FBN2: variants seen among roughly 807,000 people sequenced by gnomAD.
The protein encoded by FBN2 is fibrillin-2.
Under a neutral mutation model 355.6 loss-of-function variants are expected in FBN2, and 105 were observed. That is an observed-to-expected ratio of 0.30 (90% CI 0.25 to 0.35). FBN2 has a LOEUF of 0.35. Ranked by LOEUF, FBN2 falls within the 10% of genes least tolerant of loss-of-function variation. FBN2 has a pLI of 1.00. For missense variants in FBN2, 3,280 were observed against 3,758.7 expected (o/e 0.87, Z 3.33); for synonymous variants, 1,350 against 1,301.2 (o/e 1.04, Z -0.81).
chr5:128,383,045 G>C (rs1364348762), intron 11 of FBN2, among the ~76,000 whole-genome samples: 1 of 152,054 alleles, frequency 6.6e-6, no homozygotes, highest in Non-Finnish European at 1.5e-5. Context: ...ATCCCTAAGA[G>C]AAGGAAAACA....
rs73348283 is a variant in FBN2, at chr5:128,537,260, T to A, written c.254+90A>T. Reference sequence around the variant, plus strand: ...AGCTCTAGGCTCCAGCTAAAGGGTCTGGGACGGAGTGGGCCAGAAAGCCGC... The same window carrying A: ...AGCTCTAGGCTCCAGCTAAAGGGTCAGGGACGGAGTGGGCCAGAAAGCCGC... On this transcript the variant is annotated intron_variant, in intron 1 of 64. Coordinates refer to ENST00000262464, the MANE Select transcript of FBN2 (RefSeq NM_001999.4). 0.091 allele frequency: 143,140 copies of A among 1,569,524 alleles called. 8,373 individuals carry two copies. The highest frequency in any genetic ancestry group is 0.29 in the African/African-American group (21,386 of 74,410).
At position 128,263,432 on chromosome 5, in the gene FBN2, C is replaced by G; in HGVS notation, c.8185G>C (p.Gly2729Arg). 1 of 1,612,650 alleles carries G rather than the reference C, an allele frequency of 6.2e-7. No individual in the cohort carries two copies. Among genetic ancestry groups the G allele is most frequent in the Non-Finnish European group, 8.5e-7 (1 of 1,178,702 alleles). Residue 2729 changes from glycine to arginine, a missense_variant, in exon 63 of 65, where the codon GGA (glycine) becomes CGA (arginine). Gly to Arg is a moderately radical substitution (Grantham distance 125). Around this residue, in one of 6 missense-constraint regions of FBN2, gnomAD observed 311 missense variants for 319.1 expected, o/e 0.97. Coordinates refer to ENST00000262464, the MANE Select transcript of FBN2 (RefSeq NM_001999.4). ...CGCPPGYYRV[G>R]QGHCVSGMGF... ...GGCTGAAGGCCGCCTTACCCTTGTCCCACTCTGTAATACCCAGGGGGGCAG... is the reference window on the plus strand; with the variant it reads ...GGCTGAAGGCCGCCTTACCCTTGTCGCACTCTGTAATACCCAGGGGGGCAG...
In FBN2 at chr5:128,349,348, C is replaced by T; in HGVS notation, c.2988G>A (p.Leu996=). The T allele has an allele frequency of 6.2e-7, 1 of 1,614,048 alleles. No individual in the cohort carries two copies. The highest frequency in any genetic ancestry group is 1.3e-5 in the African/African-American group (1 of 75,020). ...AATACATGAGGGTGTGAATCTTACC[C>T]AAACATACACGGCCAGTCCCATCCA... ...LTLDGTGRVC[L]DIRMEQCYLK... is the part of the protein sequence containing the mutation. The change falls in exon 23 of 65, where the codon TTG becomes TTA. Residue 996 remains leucine (L), a splice_region_variant and synonymous_variant. Transcript: ENST00000262464.
At chr5:128,432,727 T>C (rs1426647034) in intron 7 of FBN2, among the ~76,000 whole-genome samples, 1 of 152,208 alleles carries the variant, frequency 6.6e-6, no homozygotes, top group Non-Finnish European at 1.5e-5. Flanking sequence ...AAAAAAGTTT[T>C]AATAAAACTA....
chr5:128,335,694 G>C, intron 28 of FBN2, 117 bp from the exon 29 acceptor site: 1 of 1,221,694 alleles, frequency 8.2e-7, no homozygotes, highest in Non-Finnish European at 1.2e-6. Context: ...TATGTGTGTT[G>C]ATTGAACATT....
chr5:128,300,674 G>C, intron 48 of FBN2, 143 bp downstream of exon 48: 1 of 848,700 alleles, frequency 1.2e-6, no homozygotes, highest in South Asian at 1.4e-5. Context: ...TGATGGTTCA[G>C]TAAAACAGAT....
intron 7 of FBN2, among the ~76,000 whole-genome samples, chr5:128,436,682 GAA>G (rs368032823): frequency 6.9e-6 from 1 of 144,602 alleles, no homozygotes; most frequent in African/African-American, 2.5e-5. Context: ...AAAAAAAAAA[GAA>G]AAAAAAGTAT....
chr5:128,443,842 T>C (rs1016142864), intron 7 of FBN2, among the ~76,000 whole-genome samples: 1 of 152,126 alleles, frequency 6.6e-6, no homozygotes, highest in Admixed American at 6.5e-5. Flanking sequence ...TATTTTACCT[T>C]TGATAGTTGA....
intron 5 of FBN2, among the ~76,000 whole-genome samples, chr5:128,508,761 C>A (rs1756032950): frequency 6.6e-6 from 1 of 151,976 alleles, no homozygotes; most frequent in African/African-American, 2.4e-5. Flanking sequence ...CTTAATATTT[C>A]TTACTGTGCA....
intron 5 of FBN2, among the ~76,000 whole-genome samples, chr5:128,467,565 C>A (rs1265967350): frequency 6.6e-6 from 1 of 152,006 alleles, no homozygotes; most frequent in Admixed American, 6.6e-5. Context: ...CCTTAAAATA[C>A]CTTAATTAAT....
intron 7 of FBN2, among the ~76,000 whole-genome samples, chr5:128,429,452 G>A: frequency 6.6e-6 from 1 of 152,090 alleles, no homozygotes; most frequent in Non-Finnish European, 1.5e-5. Context: ...ACAGATTTGA[G>A]AATATATTTT....
At chr5:128,308,442 T>C (rs1749943480) in intron 41 of FBN2, among the ~76,000 whole-genome samples, 1 of 152,146 alleles carries the variant, frequency 6.6e-6, no homozygotes, top group Non-Finnish European at 1.5e-5. Context: ...TCTCCTTAAT[T>C]TCATCAATAC....
intron 5 of FBN2, among the ~76,000 whole-genome samples, chr5:128,505,591 T>TTACC: frequency 6.6e-6 from 1 of 152,282 alleles, no homozygotes; most frequent in African/African-American, 2.4e-5. Flanking sequence ...CTCTTACAAG[T>TTACC]TACCACCTGT....
chr5:128,278,435 C>T (rs1261315899), intron 57 of FBN2, among the ~76,000 whole-genome samples, 200 bp downstream of exon 57: 2 of 152,114 alleles, frequency 1.3e-5, no homozygotes, highest in Non-Finnish European at 1.5e-5. Flanking sequence ...AAGATTAACT[C>T]CTAAAATCTC....
At chr5:128,505,039 T>G (rs1191810703) in intron 5 of FBN2, among the ~76,000 whole-genome samples, 1 of 152,224 alleles carries the variant, frequency 6.6e-6, no homozygotes, top group Admixed American at 6.5e-5. Context: ...GGTTTTCTCC[T>G]ACACAAGCTC....
chr5:128,318,291 T>C lies in FBN2; in HGVS notation c.4595-20A>G. 1.2e-6 allele frequency: 2 copies of C among 1,613,964 alleles called. No homozygotes were observed. The highest frequency in any genetic ancestry group is 1.7e-6 in the Non-Finnish European group (2 of 1,179,866). Reference sequence around the variant, plus strand: ...CAATATCTAGGAGAAGCATTTAAAATGCCCAGGTTACCATTTTTACTTTTT... The same window carrying C: ...CAATATCTAGGAGAAGCATTTAAAACGCCCAGGTTACCATTTTTACTTTTT... On this transcript the variant is annotated intron_variant, in intron 35 of 64. Transcript: ENST00000262464.
At chr5:128,502,950 CCTGA>C (rs1755857204) in intron 5 of FBN2, among the ~76,000 whole-genome samples, 1 of 151,980 alleles carries the variant, frequency 6.6e-6, no homozygotes, top group Admixed American at 6.6e-5. Flanking sequence ...AAAAACATAC[CCTGA>C]CTATTTTTCT....
Position 128,305,651 on chromosome 5 carries a change from AT to A in FBN2, c.5549-16del. 1 of 1,613,926 alleles carries A rather than the reference AT, an allele frequency of 6.2e-7. No individual in the cohort carries two copies. The highest frequency in any genetic ancestry group is 1.1e-5 in the South Asian group (1 of 91,084). On this transcript the variant is annotated splice_polypyrimidine_tract_variant and intron_variant, in intron 43 of 64. Transcript: ENST00000262464. The stretch of plus-strand genomic sequence containing the variant: ...CTCATCTATATCTGAAAGAGCAACA[AT>A]TCCATTTTAAAGAGTCCTTTTTAGT...
At chr5:128,503,535 A>T (rs757710986) in intron 5 of FBN2, among the ~76,000 whole-genome samples, 1 of 152,078 alleles carries the variant, frequency 6.6e-6, no homozygotes, top group Non-Finnish European at 1.5e-5. Flanking sequence ...TCAGATGGAG[A>T]TGAGGAACTT....
Sources: gnomAD v4.1 joint callset for allele counts (sites outside exome capture counted in the v4.1 genomes callset) on GRCh38, gnomAD v4.1.1 for gene constraint, gnomAD v4.1.1 regional missense constraint, MANE v1.5 for transcripts, NCBI Gene and HGNC (gene_info 2026-07-23, HGNC 2026-07-21) for gene names.